The following CSF1R variants were observed in gnomAD, a reference collection of about 807,000 sequenced individuals.
CSF1R encodes macrophage colony-stimulating factor 1 receptor.
Under a neutral mutation model 110.0 loss-of-function variants are expected in CSF1R, and 40 were observed. That is an observed-to-expected ratio of 0.36 (90% CI 0.28 to 0.47). The LOEUF (loss-of-function observed/expected upper bound fraction) is 0.47. CSF1R is among the 20% of genes least tolerant of loss of function. The probability of loss-of-function intolerance (pLI) is 0.99; values close to 1 mark genes in which losing one functional copy is unlikely to be tolerated. For synonymous variants in CSF1R, 523 were observed against 503.4 expected (o/e 1.04, Z -0.52); for missense variants, 1,052 against 1,253.0 (o/e 0.84, Z 2.42).
At position 150,080,274 on chromosome 5, in the gene CSF1R, G is replaced by C; in HGVS notation, c.370C>G (p.Leu124Val). 1 of 1,614,010 alleles carries C rather than the reference G, an allele frequency of 6.2e-7. No individual in the cohort carries two copies. Among genetic ancestry groups the C allele is most frequent in the Non-Finnish European group, 8.5e-7 (1 of 1,180,050 alleles). ...EVVVFEDQDA[L>V]LPCLLTDPVL... is the part of the protein sequence containing the mutation. ...GGGTCTGTGAGCAGACAGGGCAGTAGTGCGTCCTGGTCCTCGAACACGACC... is the reference window on the plus strand; with the variant it reads ...GGGTCTGTGAGCAGACAGGGCAGTACTGCGTCCTGGTCCTCGAACACGACC... Residue 124 changes from leucine to valine, a missense_variant, in exon 3 of 21, where the codon CTA becomes GTA. Physicochemically the swap from Leu to Val is conservative, Grantham distance 32 (BLOSUM62 1). This residue lies in a region of CSF1R where 693 missense variants were observed against 735.4 expected (regional missense o/e 0.94). Transcript: ENST00000675795.
Position 150,069,804 on chromosome 5 carries a change from G to A in CSF1R, c.1510+69C>T. On this transcript the variant is annotated intron_variant, in intron 9 of 20. Transcript: ENST00000675795. ...GCTCCCTCGGTGGGGGGTGGGGGAG[G>A]AGCCGCCTAAAGGAGCAGGGGCGGG... 4.8e-6 allele frequency: 6 copies of A among 1,258,034 alleles called. No homozygotes were observed. In the Middle Eastern group the frequency reaches 9.3e-4, roughly 195 times the overall value. 77.9% of individuals were successfully genotyped at this position (1,258,034 alleles called of 1,614,324 possible).
intron 13 of CSF1R, 113 bp from the exon 14 acceptor site, chr5:150,059,975 T>TCCAAG: frequency 1.6e-6 from 2 of 1,229,482 alleles, no homozygotes; most frequent in Non-Finnish European, 2.2e-6. Flanking sequence ...CATAGCTGAG[T>TCCAAG]TCTAACCTCG....
chr5:150,055,375 G>A, intron 18 of CSF1R, 39 bp from the exon 19 acceptor site: 1 of 1,553,742 alleles, frequency 6.4e-7, no homozygotes, highest in Non-Finnish European at 8.9e-7. Context: ...CATGCCCATT[G>A]TCTTCTCCCC....
In CSF1R at chr5:150,086,454, G is replaced by T; in HGVS notation, c.-27C>A. The T allele has an allele frequency of 2.5e-6, 4 of 1,600,576 alleles. No individual in the cohort carries two copies. Among genetic ancestry groups the T allele is most frequent in the Non-Finnish European group, 3.4e-6 (4 of 1,173,806 alleles). ...GCCTCGGTGGGGAAGTGGCAGGCAG[G>T]TGCAGGGCTGCAAGGTGCCCAGGGC... On this transcript the variant is annotated 5_prime_UTR_variant, in exon 1 of 21. Transcript: ENST00000675795.
chr5:150,078,331 G>T, intron 3 of CSF1R, 83 bp from the exon 4 acceptor site: 1 of 1,531,740 alleles, frequency 6.5e-7, no homozygotes, highest in Non-Finnish European at 8.8e-7. Context: ...CATGGGCCAG[G>T]ACACACAGGC....
upstream of CSF1R, among the ~76,000 whole-genome samples, chr5:150,089,109 A>T (rs114424846): frequency 0.011 from 1,688 of 152,368 alleles, 24 homozygotes; most frequent in African/African-American, 0.039. Context: ...GAAAAAGCAC[A>T]ACTAATTCAA....
chr5:150,070,374 C>T (rs11956338), intron 7 of CSF1R, 72 bp from the exon 8 acceptor site: 1 of 1,587,246 alleles, frequency 6.3e-7, no homozygotes, highest in East Asian at 2.2e-5. Context: ...ACCTACTTCC[C>T]TGTGCCCTGC....
chr5:150,111,915 T>C (rs946114747), intron 1 of CSF1R, among the ~76,000 whole-genome samples: 11 of 152,232 alleles, frequency 7.2e-5, no homozygotes, highest in Admixed American at 2.0e-4. Context: ...ATTTTTGTGT[T>C]GAGAATGTTA....
intron 1 of CSF1R, among the ~76,000 whole-genome samples, chr5:150,106,229 C>G (rs1759553192): frequency 6.6e-6 from 1 of 152,208 alleles, no homozygotes; most frequent in Non-Finnish European, 1.5e-5. Context: ...ATTGACATTA[C>G]CCCTTCCTGT....
intron 1 of CSF1R, among the ~76,000 whole-genome samples, chr5:150,082,415 C>T (rs1009201213): frequency 1.3e-5 from 2 of 152,244 alleles, no homozygotes; most frequent in African/African-American, 2.4e-5. Flanking sequence ...GAATGTGCAT[C>T]CCTTCTCCCC....
At chr5:150,082,582 C>G (rs1758600124) in intron 1 of CSF1R, among the ~76,000 whole-genome samples, 1 of 152,318 alleles carries the variant, frequency 6.6e-6, no homozygotes. Context: ...CTGGGGCTGC[C>G]CTATCACTGC....
chr5:150,082,384 G>A (rs916717714), intron 1 of CSF1R, among the ~76,000 whole-genome samples: 4 of 152,348 alleles, frequency 2.6e-5, no homozygotes, highest in Middle Eastern at 3.4e-3. Context: ...CTTAATTCAC[G>A]TTTTGATTTT....
intron 10 of CSF1R, 137 bp downstream of exon 10, chr5:150,068,078 T>C: frequency 1.5e-6 from 1 of 674,998 alleles, no homozygotes; most frequent in South Asian, 1.8e-5. Context: ...CATGTTGGCA[T>C]ACAGTAGGCA....
chr5:150,081,091 C>A, intron 1 of CSF1R, 67 bp from the exon 2 acceptor site: 1 of 1,567,638 alleles, frequency 6.4e-7, no homozygotes, highest in East Asian at 2.3e-5. Flanking sequence ...CGTCCTGACT[C>A]TGAGATGGGT....
At chr5:150,108,221 A>G (rs1363167683) in intron 1 of CSF1R, among the ~76,000 whole-genome samples, 1 of 152,224 alleles carries the variant, frequency 6.6e-6, no homozygotes, top group Admixed American at 6.5e-5. Context: ...AGGAATGCGA[A>G]GAGAAATCAT....
chr5:150,081,209 CTG>C (rs1758527367), intron 1 of CSF1R, among the ~76,000 whole-genome samples, 185 bp from the exon 2 acceptor site: 1 of 152,122 alleles, frequency 6.6e-6, no homozygotes, highest in Non-Finnish European at 1.5e-5. Flanking sequence ...CAGGGACAGA[CTG>C]ATGTCTCTGA....
At position 150,074,543 on chromosome 5, in the gene CSF1R, G is replaced by A. The variant is rs1581313272; in HGVS notation, c.890-1050C>T. ...GCTGCTCTTGTTGAATCTCAGGCAA[G>A]GGAATTGTGGCAAGAACCCCAATTC... On this transcript the variant is annotated intron_variant, in intron 5 of 20. Transcript: ENST00000675795. Among the ~76,000 whole-genome samples, 5 of 152,032 alleles carry A rather than the reference G, an allele frequency of 3.3e-5. No individual in the cohort carries two copies. The South Asian group carries it at 1.0e-3, about 32-fold the overall frequency.
At chr5:150,059,570 G>C in intron 14 of CSF1R, 130 bp downstream of exon 14, 1 of 1,061,518 alleles carries the variant, frequency 9.4e-7, no homozygotes, top group Non-Finnish European at 1.4e-6. Flanking sequence ...TACTTCCCAT[G>C]ACACAGGTGG....
chr5:150,097,652 C>T (rs1166660154), intron 1 of CSF1R, among the ~76,000 whole-genome samples: 1 of 151,930 alleles, frequency 6.6e-6, no homozygotes, highest in Non-Finnish European at 1.5e-5. Context: ...ATACTATTTA[C>T]AATAGCACTG....
Sources: gnomAD v4.1 joint callset for allele counts (sites outside exome capture counted in the v4.1 genomes callset) on GRCh38, gnomAD v4.1.1 for gene constraint, gnomAD v4.1.1 regional missense constraint, MANE v1.5 for transcripts, NCBI Gene and HGNC (gene_info 2026-07-23, HGNC 2026-07-21) for gene names.